Variants in SCAPER observed in about 807,000 individuals in gnomAD.
SCAPER encodes S phase cyclin A-associated protein in the endoplasmic reticulum.
Under a neutral mutation model 182.2 loss-of-function variants are expected in SCAPER, and 98 were observed. The observed-to-expected ratio is 0.54, with a 90% CI of 0.46 to 0.64. SCAPER has a LOEUF of 0.64. SCAPER is among the 30% of genes least tolerant of loss of function. SCAPER has a pLI of 0.00. For synonymous variants in SCAPER, 605 were observed against 564.6 expected (o/e 1.07, Z -1.01); for missense variants, 1,432 against 1,690.0 (o/e 0.85, Z 2.68).
chr15:76,353,487 T>A (rs1181302604), intron 30 of SCAPER, among the ~76,000 whole-genome samples: 1 of 152,208 alleles, frequency 6.6e-6, no homozygotes, highest in Non-Finnish European at 1.5e-5. Flanking sequence ...AAAGTTGTTT[T>A]ACATTAAAAA....
intron 20 of SCAPER, among the ~76,000 whole-genome samples, chr15:76,669,287 T>G (rs1014340720): frequency 2.6e-5 from 4 of 152,212 alleles, no homozygotes; most frequent in Non-Finnish European, 5.9e-5. Context: ...TAGAATATTT[T>G]CTTTGATAAA....
At chr15:76,593,608 A>G (rs2049288635) in intron 22 of SCAPER, among the ~76,000 whole-genome samples, 1 of 120,770 alleles carries the variant, frequency 8.3e-6, no homozygotes, top group Admixed American at 9.3e-5. Context: ...CCTCTGAGAC[A>G]AAGCCTCCAG....
At chr15:76,818,729 A>AGACAGTGGGTGCAG (rs1240280842) in intron 5 of SCAPER, among the ~76,000 whole-genome samples, 1 of 152,252 alleles carries the variant, frequency 6.6e-6, no homozygotes, top group African/African-American at 2.4e-5. Flanking sequence ...GGGGAGTGCC[A>AGACAGTGGGTGCAG]GACAGTGGGT....
intron 15 of SCAPER, among the ~76,000 whole-genome samples, chr15:76,738,767 T>A (rs1466285171): frequency 6.6e-6 from 1 of 151,918 alleles, no homozygotes; most frequent in East Asian, 1.9e-4. Context: ...CAATAGTAAC[T>A]CCAAAGATCA....
At position 76,796,985 on chromosome 15, in the gene SCAPER, A is replaced by G. The variant is rs569090700; in HGVS notation, c.612-1545T>C. ...CCATACAGTGCCAGGCACTTAGAAT[A>G]CAGAGATACGGCAGTAATCTTGCCT... On this transcript the variant is annotated intron_variant, in intron 7 of 31. Coordinates refer to ENST00000563290, the MANE Select transcript of SCAPER (RefSeq NM_020843.4). 2.0e-5 allele frequency among the ~76,000 whole-genome samples: 3 copies of G among 152,308 alleles called. No homozygotes were observed. The East Asian group carries it at 5.8e-4, about 29-fold the overall frequency.
intron 1 of SCAPER, among the ~76,000 whole-genome samples, chr15:76,889,627 T>C (rs2074055040): frequency 6.6e-6 from 1 of 152,192 alleles, no homozygotes; most frequent in South Asian, 2.1e-4. Context: ...ACAACTATCC[T>C]AAATATATAC....
chr15:76,590,190 T>C (rs2049000307), intron 22 of SCAPER, among the ~76,000 whole-genome samples: 1 of 152,194 alleles, frequency 6.6e-6, no homozygotes, highest in Non-Finnish European at 1.5e-5. Flanking sequence ...AACTGCAATT[T>C]AGTCCCGCCT....
intron 21 of SCAPER, among the ~76,000 whole-genome samples, chr15:76,623,589 T>G (rs2052300609): frequency 6.6e-6 from 1 of 152,198 alleles, no homozygotes; most frequent in South Asian, 2.1e-4. Context: ...TTCTCTGTTC[T>G]GTTCCATTGG....
At chr15:76,425,539 C>A (rs188609474) in intron 26 of SCAPER, among the ~76,000 whole-genome samples, 8 of 152,198 alleles carry the variant, frequency 5.3e-5, no homozygotes, top group African/African-American at 1.9e-4. Flanking sequence ...CAAGGTTTTT[C>A]GCTTTTTTGC....
At chr15:76,770,102 G>A (rs1250951568) in intron 10 of SCAPER, among the ~76,000 whole-genome samples, 1 of 150,870 alleles carries the variant, frequency 6.6e-6, no homozygotes, top group Non-Finnish European at 1.5e-5. Flanking sequence ...ACTATCACAA[G>A]GACAGAAAAC....
At chr15:76,820,513 C>G (rs1371962463) in intron 5 of SCAPER, among the ~76,000 whole-genome samples, 1 of 147,790 alleles carries the variant, frequency 6.8e-6, no homozygotes, top group Non-Finnish European at 1.5e-5. Flanking sequence ...ACCACGTGTT[C>G]TCACTCATAG....
At chr15:76,757,455 TAC>T (rs67231689) in intron 14 of SCAPER, among the ~76,000 whole-genome samples, 68,868 of 150,260 alleles carry the variant, frequency 0.46, 17,344 homozygotes, top group Middle Eastern at 0.64. Flanking sequence ...GTTTTATATA[TAC>T]ACACACACAC....
chr15:76,406,490 T>C (rs959767484), intron 26 of SCAPER, among the ~76,000 whole-genome samples: 57 of 150,726 alleles, frequency 3.8e-4, no homozygotes, highest in African/African-American at 1.4e-3. Flanking sequence ...GAAAAAAAAA[T>C]CAAGTGTTTT....
intron 1 of SCAPER, among the ~76,000 whole-genome samples, chr15:76,903,104 T>C (rs1050069814): frequency 1.3e-5 from 2 of 151,404 alleles, no homozygotes; most frequent in Non-Finnish European, 2.9e-5. Flanking sequence ...GAATCTCAAG[T>C]CCCTTCATCT....
At position 76,381,423 on chromosome 15, in the gene SCAPER, T is replaced by A; in HGVS notation, c.3660A>T (p.Leu1220Phe). 6.2e-7 allele frequency: 1 copy of A among 1,613,852 alleles called. No homozygotes were observed. The highest frequency in any genetic ancestry group is 8.5e-7 in the Non-Finnish European group (1 of 1,179,868). Reference protein sequence around the residue: ...QNTIQVAIQSLRFFNSFAALH... With the variant: ...QNTIQVAIQSFRFFNSFAALH... ...GAGCTGCAAAGCTGTTGAAGAAACG[T>A]AAACTCTGAATGGCCACTTGGATGG... Residue 1220 changes from leucine (L) to phenylalanine (F), a missense_variant, in exon 28 of 32, where the codon TTA (leucine) becomes TTT (phenylalanine). Physicochemically the swap from Leu to Phe is conservative, Grantham distance 22. Around this residue, in one of 5 missense-constraint regions of SCAPER, gnomAD observed 718 missense variants for 799.7 expected, o/e 0.90. Transcript: ENST00000563290.
intron 26 of SCAPER, among the ~76,000 whole-genome samples, chr15:76,425,427 A>G (rs2046353856): frequency 6.6e-6 from 1 of 152,184 alleles, no homozygotes; most frequent in Admixed American, 6.5e-5. Flanking sequence ...AAGCTTGTGC[A>G]TGTGTCACAT....
rs139695205 is a variant in SCAPER at position 76,773,130 on chromosome 15, C to T, written c.1036-1176G>A. On this transcript the variant is annotated intron_variant, in intron 9 of 31. Transcript: ENST00000563290. ...CTTGGCAATATTTATATTAGCATTA[C>T]TTATGTGTACACTACTCAATCCCAC... Among the ~76,000 whole-genome samples the T allele has an allele frequency of 4.0e-3, 615 of 151,976 alleles. 2 individuals carry two copies. The highest frequency in any genetic ancestry group is 5.0e-3 in the Non-Finnish European group (336 of 67,780).
intron 23 of SCAPER, among the ~76,000 whole-genome samples, chr15:76,506,762 G>T (rs1478013892): frequency 6.6e-6 from 1 of 152,018 alleles, no homozygotes; most frequent in Non-Finnish European, 1.5e-5. Flanking sequence ...TTTGTCTTCA[G>T]CAATAAAAGA....
At chr15:76,637,247 T>C (rs1388616668) in intron 21 of SCAPER, among the ~76,000 whole-genome samples, 1 of 152,116 alleles carries the variant, frequency 6.6e-6, no homozygotes, top group Non-Finnish European at 1.5e-5. Flanking sequence ...ATGTCTTCAA[T>C]TCTTGAGGGT....
Sources: allele counts gnomAD v4.1 joint callset (sites outside exome capture counted in the v4.1 genomes callset), GRCh38; gene constraint gnomAD v4.1.1; regional missense constraint gnomAD v4.1.1; transcripts MANE v1.5; gene names NCBI Gene and HGNC (gene_info 2026-07-23, HGNC 2026-07-21).